RPL11: variants seen among roughly 807,000 people sequenced by gnomAD.
The protein encoded by RPL11 is ribosomal protein L11.
RPL11 carries 3 observed loss-of-function variants against 24.1 expected under a neutral mutation model. The observed-to-expected ratio is 0.12, with a 90% CI of 0.06 to 0.32. The LOEUF is 0.32. RPL11 is among the 10% of genes least tolerant of loss of function. The pLI is 1.00. For synonymous variants in RPL11, 96 were observed against 75.7 expected, an observed-to-expected ratio of 1.27 and a Z score of -1.39; for missense variants, 146 against 225.7, an observed-to-expected ratio of 0.65 and a Z score of 2.26.
rs759437708 is a variant in RPL11 at position 23,696,349 on chromosome 1, T to C, written c.513T>C (p.Asp171=). ...EAMRWFQQKY[D]GIILPGK ...TTAAATCTCTTCTCTTTCAGTATGATGGGATCATCCTTCCTGGCAAATAAA... is the reference window on the plus strand; with the variant it reads ...TTAAATCTCTTCTCTTTCAGTATGACGGGATCATCCTTCCTGGCAAATAAA... Residue 171 remains aspartate, a synonymous_variant, in exon 6 of 6, where the codon GAT becomes GAC. Transcript: ENST00000643754. 1 of 1,614,094 alleles carries C rather than the reference T, an allele frequency of 6.2e-7. No individual in the cohort carries two copies. Among genetic ancestry groups the C allele is most frequent in the Non-Finnish European group, 8.5e-7 (1 of 1,179,952 alleles).
chr1:23,692,171 C>T (rs1421623666), intron 1 of RPL11: 4 of 493,908 alleles, frequency 8.1e-6, no homozygotes, highest in East Asian at 3.8e-5. Context: ...GCTAGGAAAC[C>T]TTAGTCGGTT....
intron 3 of RPL11, 37 bp downstream of exon 3, chr1:23,693,950 C>A: frequency 7.0e-7 from 1 of 1,420,944 alleles, no homozygotes; most frequent in Non-Finnish European, 1.0e-6. Context: ...TATTGATCAG[C>A]ACTCCTTTAG....
intron 3 of RPL11, 34 bp from the exon 4 acceptor site, chr1:23,694,626 A>G (rs773770841): frequency 1.2e-6 from 2 of 1,613,262 alleles, no homozygotes; most frequent in Admixed American, 1.7e-5. Context: ...GTTGAAGATG[A>G]CAAGGAATGT....
chr1:23,694,953 T>TG, intron 4 of RPL11, 162 bp downstream of exon 4: 1 of 1,083,848 alleles, frequency 9.2e-7, no homozygotes. Context: ...TTGTGGCAAA[T>TG]GTAGGGGTGC....
At chr1:23,695,089 T>C (rs1644525483) in intron 4 of RPL11, 3 of 436,714 alleles carry the variant, frequency 6.9e-6, no homozygotes, top group Non-Finnish European at 1.3e-5. Flanking sequence ...TTTGAAACTT[T>C]GGAGAGAGGC....
intron 1 of RPL11, chr1:23,692,088 G>A: frequency 1.7e-6 from 1 of 593,056 alleles, no homozygotes; most frequent in South Asian, 2.0e-5. Context: ...GGGGCAGATG[G>A]GGTGAATGGA....
intron 4 of RPL11, chr1:23,695,314 A>T (rs1377466759): frequency 7.3e-6 from 2 of 272,156 alleles, no homozygotes; most frequent in Non-Finnish European, 1.4e-5. Context: ...TGGAACCTGA[A>T]AGATGGTGGC....
Position 23,693,885 on chromosome 1 carries a change from CAGA to C in RPL11, c.241_243del (p.Glu81del). 6.2e-7 allele frequency: 1 copy of C among 1,614,122 alleles called. No individual in the cohort carries two copies. The highest frequency in any genetic ancestry group is 8.5e-7 in the Non-Finnish European group (1 of 1,179,980). Reference sequence around the variant, plus strand: ...CACTGCACAGTTCGAGGGGCCAAGGCAGAAGAAATCTTGGAGAAGGGTCTAAAG... The same window carrying C: ...CACTGCACAGTTCGAGGGGCCAAGGCAGAAATCTTGGAGAAGGGTCTAAAG... On this transcript the variant is annotated inframe_deletion, in exon 3 of 6. Coordinates refer to ENST00000643754, the MANE Select transcript of RPL11 (RefSeq NM_000975.5).
Position 23,693,928 on chromosome 1 carries a change from C to G in RPL11, c.264+15C>G. The G allele has an allele frequency of 6.3e-7, 1 of 1,578,848 alleles. No homozygotes were observed. Among genetic ancestry groups the G allele is most frequent in the Non-Finnish European group, 8.7e-7 (1 of 1,147,886 alleles). ...AGGGTCTAAAGGTGAGCCTAATCCC[C>G]TAATGGAGTGATATTGATCAGCACT... On this transcript the variant is annotated intron_variant, in intron 3 of 5. Transcript: ENST00000643754.
At chr1:23,691,906 C>A (rs1570565807) in intron 1 of RPL11, 77 bp downstream of exon 1, 1 of 1,595,556 alleles carries the variant, frequency 6.3e-7, no homozygotes, top group South Asian at 1.1e-5. Flanking sequence ...GGGGCTACTT[C>A]GCCCGCAGCC....
rs1570569529 is a variant in RPL11 at position 23,696,544 on chromosome 1, G to C, written c.*171G>C. ...CCCGTCATCCTCTGATTGGATGCCA[G>C]TATTTCCTGGCAGATCCAAGTCCAA... is the stretch of plus-strand genomic sequence containing the variant. On this transcript the variant is annotated 3_prime_UTR_variant, in exon 6 of 6. Transcript: ENST00000643754. 1 of 685,548 alleles carries C rather than the reference G, an allele frequency of 1.5e-6. No individual in the cohort carries two copies. The highest frequency in any genetic ancestry group is 2.6e-6 in the Non-Finnish European group (1 of 381,602). 42.5% of individuals were successfully genotyped at this position (685,548 alleles called of 1,614,324 possible).
rs1028362438 is a variant in RPL11, at chr1:23,691,809, T to G, written c.-15T>G. The G allele has an allele frequency of 6.2e-7, 1 of 1,614,136 alleles. No individual in the cohort carries two copies. Among genetic ancestry groups the G allele is most frequent in the African/African-American group, 1.3e-5 (1 of 74,956 alleles). On this transcript the variant is annotated 5_prime_UTR_variant, in exon 1 of 6. Coordinates refer to ENST00000643754, the MANE Select transcript of RPL11 (RefSeq NM_000975.5). The stretch of plus-strand genomic sequence containing the variant: ...CCTCGGCCGGAAGCTCCGCTTTCTC[T>G]TCCTGCTCTCCATCATGGCGGTGAG...
At chr1:23,692,118 T>G (rs1570566057) in intron 1 of RPL11, 3 of 560,376 alleles carry the variant, frequency 5.4e-6, no homozygotes, top group African/African-American at 1.9e-5. Flanking sequence ...GGCAGGGGGG[T>G]CCGGGCCTTT....
At chr1:23,695,211 G>C (rs1484421499) in intron 4 of RPL11, 1 of 316,986 alleles carries the variant, frequency 3.2e-6, no homozygotes, top group East Asian at 7.8e-5. Flanking sequence ...GCTCAGGAAG[G>C]GGGTTTTAAC....
At chr1:23,695,006 TGCAGTCGAGGATCTGTAAA>T (rs1644524980) in intron 4 of RPL11, 1 of 669,634 alleles carries the variant, frequency 1.5e-6, no homozygotes, top group South Asian at 1.7e-5. Context: ...TTGGGGAACT[TGCAGTCGAGGATCTGTAAA>T]GCACCCACAT....
chr1:23,692,899 T>C (rs1427303222), intron 2 of RPL11, 140 bp downstream of exon 2: 2 of 891,672 alleles, frequency 2.2e-6, no homozygotes, highest in African/African-American at 1.9e-5. Flanking sequence ...CCAAGAGGTG[T>C]CTTTTTTTTT....
At chr1:23,692,119 C>T (rs1279402030) in intron 1 of RPL11, 4 of 560,412 alleles carry the variant, frequency 7.1e-6, no homozygotes, top group Non-Finnish European at 1.3e-5. Context: ...GCAGGGGGGT[C>T]CGGGCCTTTT....
intron 1 of RPL11, 148 bp downstream of exon 1, chr1:23,691,977 G>C: frequency 4.7e-6 from 5 of 1,073,852 alleles, no homozygotes; most frequent in Non-Finnish European, 4.3e-6. Flanking sequence ...TTCGAGCCAA[G>C]GACGCAGGGT....
At chr1:23,694,535 G>A in intron 3 of RPL11, 125 bp from the exon 4 acceptor site, 1 of 1,348,110 alleles carries the variant, frequency 7.4e-7, no homozygotes, top group South Asian at 1.2e-5. Context: ...TGTGTTCTCA[G>A]CCAAGTTTCA....
Sources: allele counts gnomAD v4.1 joint callset, GRCh38; gene constraint gnomAD v4.1.1; transcripts MANE v1.5; gene names NCBI Gene and HGNC (gene_info 2026-07-23, HGNC 2026-07-21).